The following TIMM29 variants were observed in gnomAD, a reference collection of about 807,000 sequenced individuals.
TIMM29 encodes the protein mitochondrial import inner membrane translocase subunit Tim29.
In TIMM29, 23 loss-of-function variants were observed where a neutral mutation model predicts 19.5. That is an observed-to-expected ratio of 1.18 (90% CI 0.85 to 1.67). TIMM29 has a LOEUF of 1.67. Ranked by LOEUF, TIMM29 falls within the 40% of genes most tolerant of loss-of-function variation. The probability of loss-of-function intolerance (pLI) is 0.00; values close to 1 mark genes in which losing one functional copy is unlikely to be tolerated. For missense variants in TIMM29, 404 were observed against 384.7 expected, an observed-to-expected ratio of 1.05 and a Z score of -0.42; for synonymous variants, 209 against 185.0, an observed-to-expected ratio of 1.13 and a Z score of -1.05.
Position 10,929,444 on chromosome 19 carries a change from G to T in TIMM29, c.525G>T (p.Leu175=). 6.2e-7 allele frequency: 1 copy of T among 1,612,604 alleles called. No homozygotes were observed. The change falls in exon 2 of 2, where the codon CTG becomes CTT. Residue 175 remains leucine, a synonymous_variant. Coordinates refer to ENST00000270502, the MANE Select transcript of TIMM29 (RefSeq NM_138358.4). ...DVGFVGRWWV[L]GAWMRDCDIN... is the part of the protein sequence containing the mutation. ...GCTTCGTGGGTCGCTGGTGGGTGCT[G>T]GGGGCCTGGATGCGCGACTGCGACA...
In TIMM29 at chr19:10,929,395, TC is replaced by T; in HGVS notation, c.480del (p.Gly161AlafsTer87). ...CRYLQPRWTD[F>X]PGRVLDVGFV... ...TACCTGCAGCCCCGCTGGACCGACT[TC>T]CCCGGCCGGGTCCTGGACGTGGGCT... On this transcript the variant is annotated frameshift_variant, in exon 2 of 2. Transcript: ENST00000270502. LOFTEE classifies it high-confidence loss of function. 6.2e-7 allele frequency: 1 copy of T among 1,607,728 alleles called. No homozygotes were observed. Among genetic ancestry groups the T allele is most frequent in the Non-Finnish European group, 8.5e-7 (1 of 1,178,418 alleles).
In TIMM29 at chr19:10,930,052, T is replaced by A. The variant is rs370696875; in HGVS notation, c.*350T>A. ...GACTTGCAAACTCTTCTAAGGCCAC[T>A]TAGATTTTCTTTTTCAAGTTTGGGT... On this transcript the variant is annotated 3_prime_UTR_variant, in exon 2 of 2. Coordinates refer to ENST00000270502, the MANE Select transcript of TIMM29 (RefSeq NM_138358.4). 1.7e-3 allele frequency: 352 copies of A among 201,890 alleles called. 7 individuals are homozygous for A. In the South Asian group the frequency reaches 0.044, roughly 25 times the overall value. 12.5% of individuals were successfully genotyped at this position (201,890 alleles called of 1,614,324 possible).
rs2083480448 is a variant in TIMM29 at position 10,929,763 on chromosome 19, G to A, written c.*61G>A. ...CCTGGGGTGGTGCAGTTCTGAGTGT[G>A]CCTCACCTGCAGAACAGCTGAGACA... On this transcript the variant is annotated 3_prime_UTR_variant, in exon 2 of 2. Transcript: ENST00000270502. 6.9e-7 allele frequency: 1 copy of A among 1,454,748 alleles called. No homozygotes were observed. The highest frequency in any genetic ancestry group is 9.3e-7 in the Non-Finnish European group (1 of 1,080,690). The allele number at this position is 1,454,748 out of a possible 1,614,324, so 90.1% of individuals were successfully genotyped here. A position where few individuals can be genotyped will look rare whatever the true frequency, so the allele number is the denominator to read the frequency against.
Position 10,929,609 on chromosome 19 carries a change from G to A in TIMM29, c.690G>A (p.Ala230=), listed in dbSNP as rs923414662. The A allele has an allele frequency of 1.2e-6, 2 of 1,613,014 alleles. No individual in the cohort carries two copies. The highest frequency in any genetic ancestry group is 1.7e-6 in the Non-Finnish European group (2 of 1,180,000). The change falls in exon 2 of 2, where the codon GCG becomes GCA. Residue 230 remains alanine, a synonymous_variant. Coordinates refer to ENST00000270502, the MANE Select transcript of TIMM29 (RefSeq NM_138358.4). ...VVLTDDQVDQ[A]LWEEQVLQKE... ...TCACCGACGATCAGGTGGACCAGGC[G>A]CTGTGGGAGGAGCAGGTCTTGCAGA...
Position 10,928,862 on chromosome 19 carries a change from C to A in TIMM29, c.40C>A (p.Arg14Ser). 8 of 1,527,152 alleles carry A rather than the reference C, an allele frequency of 5.2e-6. No homozygotes were observed. The highest frequency in any genetic ancestry group is 2.7e-5 in the East Asian group (1 of 37,492). 94.6% of individuals were successfully genotyped at this position (1,527,152 alleles called of 1,614,324 possible). The change falls in exon 1 of 2, where the codon CGC becomes AGC. Residue 14 changes from arginine (R) to serine (S), a missense_variant. Coordinates refer to ENST00000270502, the MANE Select transcript of TIMM29 (RefSeq NM_138358.4). Reference protein sequence around the residue: ...AALRRFWSRRRAEAGDAVVAK... With the variant: ...AALRRFWSRRSAEAGDAVVAK... ...TCTGAGGAGATTTTGGTCCCGGCGC[C>A]GCGCAGAGGCGGGCGACGCGGTAGT...
At position 10,928,845 on chromosome 19, in the gene TIMM29, G is replaced by T; in HGVS notation, c.23G>T (p.Arg8Ile). 6.6e-7 allele frequency: 1 copy of T among 1,526,386 alleles called. No individual in the cohort carries two copies. The highest frequency in any genetic ancestry group is 2.7e-5 in the East Asian group (1 of 37,304). The allele number at this position is 1,526,386 out of a possible 1,614,324, so 94.6% of individuals were successfully genotyped here. ...AGGATGGCCGCGGCGGCTCTGAGGA[G>T]ATTTTGGTCCCGGCGCCGCGCAGAG... The part of the protein sequence containing the change: MAAAALR[R>I]FWSRRRAEAG... The change falls in exon 1 of 2, where the codon AGA (arginine) becomes ATA (isoleucine). Residue 8 changes from arginine (R) to isoleucine (I), a missense_variant. Arg to Ile is a moderately conservative substitution (Grantham distance 97). Coordinates refer to ENST00000270502, the MANE Select transcript of TIMM29 (RefSeq NM_138358.4).
In TIMM29 at chr19:10,929,232, G is replaced by C; in HGVS notation, c.313G>C (p.Glu105Gln). The change falls in exon 2 of 2, where the codon GAG (glutamate) becomes CAG (glutamine). Residue 105 changes from glutamate to glutamine, a missense_variant. Glu to Gln is a conservative substitution (Grantham distance 29, BLOSUM62 2). Coordinates refer to ENST00000270502, the MANE Select transcript of TIMM29 (RefSeq NM_138358.4). ...GCTGGCGCCGGCCACCCGCAACCGC[G>C]AGTCCGAAGCCTTCGTGCAGAGGCT... ...LLLAPATRNR[E>Q]SEAFVQRLLW... The C allele has an allele frequency of 7.3e-6, 11 of 1,500,806 alleles. No individual in the cohort carries two copies. Among genetic ancestry groups the C allele is most frequent in the Non-Finnish European group, 9.7e-6 (11 of 1,130,362 alleles). The allele number at this position is 1,500,806 out of a possible 1,614,324, so 93.0% of individuals were successfully genotyped here. A position where few individuals can be genotyped will look rare whatever the true frequency, so the allele number is the denominator to read the frequency against.
rs2083479086 is a variant in TIMM29, at chr19:10,929,648, C to G, written c.729C>G (p.Asp243Glu). The change falls in exon 2 of 2, where the codon GAC (aspartate) becomes GAG (glutamate). Residue 243 changes from aspartate (D) to glutamate (E), a missense_variant. Coordinates refer to ENST00000270502, the MANE Select transcript of TIMM29 (RefSeq NM_138358.4). The stretch of plus-strand genomic sequence containing the variant: ...AGGTCTTGCAGAAGGAGAAGAAGGA[C>G]AGGCTCGCCCTGAGCCAGGCCCACT... ...EEQVLQKEKK[D>E]RLALSQAHSL... The G allele has an allele frequency of 6.2e-7, 1 of 1,612,874 alleles. No individual in the cohort carries two copies. Among genetic ancestry groups the G allele is most frequent in the Non-Finnish European group, 8.5e-7 (1 of 1,179,922 alleles).
chr19:10,928,931 A>C lies in TIMM29; in HGVS notation c.94+15A>C. 1 of 1,506,568 alleles carries C rather than the reference A, an allele frequency of 6.6e-7. No homozygotes were observed. The highest frequency in any genetic ancestry group is 8.8e-7 in the Non-Finnish European group (1 of 1,137,384). 93.3% of individuals were successfully genotyped at this position (1,506,568 alleles called of 1,614,324 possible). A position where few individuals can be genotyped will look rare whatever the true frequency, so the allele number is the denominator to read the frequency against. On this transcript the variant is annotated intron_variant, in intron 1 of 1. Coordinates refer to ENST00000270502, the MANE Select transcript of TIMM29 (RefSeq NM_138358.4). ...GGCGCGGCTGGGTGAGTAGCGGCGGAAGGCGGCAGGGTGGGTGGCCGCCGC... is the reference window on the plus strand; with the variant it reads ...GGCGCGGCTGGGTGAGTAGCGGCGGCAGGCGGCAGGGTGGGTGGCCGCCGC...
chr19:10,929,877 A>G lies in TIMM29; in HGVS notation c.*175A>G, dbSNP rs1388950323. The stretch of plus-strand genomic sequence containing the variant: ...TCTTTGTTCTTTATTAGCTGAAGCT[A>G]ATTCAGAGCCACCTGGGTCCGGGAG... On this transcript the variant is annotated 3_prime_UTR_variant, in exon 2 of 2. Coordinates refer to ENST00000270502, the MANE Select transcript of TIMM29 (RefSeq NM_138358.4). 1 of 705,058 alleles carries G rather than the reference A, an allele frequency of 1.4e-6. No individual in the cohort carries two copies. The highest frequency in any genetic ancestry group is 1.8e-5 in the African/African-American group (1 of 55,782). The allele number at this position is 705,058 out of a possible 1,614,324, so 43.7% of individuals were successfully genotyped here. A position where few individuals can be genotyped will look rare whatever the true frequency, so the allele number is the denominator to read the frequency against.
At position 10,929,007 on chromosome 19, in the gene TIMM29, C is replaced by T. The variant is rs762745240; in HGVS notation, c.95-7C>T. The T allele has an allele frequency of 1.4e-6, 2 of 1,457,688 alleles. No individual in the cohort carries two copies. Among genetic ancestry groups the T allele is most frequent in the South Asian group, 2.8e-5 (2 of 71,356 alleles). The allele number at this position is 1,457,688 out of a possible 1,614,324, so 90.3% of individuals were successfully genotyped here. On this transcript the variant is annotated splice_region_variant and splice_polypyrimidine_tract_variant and intron_variant, in intron 1 of 1. Transcript: ENST00000270502. Reference sequence around the variant, plus strand: ...GGATCACTCTTACCGCGCTCCTCTCCCCTCAGGGTCCTGGGCCCGCGCGCT... The same window carrying T: ...GGATCACTCTTACCGCGCTCCTCTCTCCTCAGGGTCCTGGGCCCGCGCGCT...
chr19:10,929,495 G>A lies in TIMM29; in HGVS notation c.576G>A (p.Leu192=). The A allele has an allele frequency of 2.5e-6, 4 of 1,613,106 alleles. No homozygotes were observed. The highest frequency in any genetic ancestry group is 3.4e-6 in the Non-Finnish European group (4 of 1,180,022). ...TCAACGACGACGAATTCCTGCACCT[G>A]CCGGCGCATTTGCGGGTGGTCGGGC... The part of the protein sequence containing the change: ...CDINDDEFLH[L]PAHLRVVGPQ... The change falls in exon 2 of 2, where the codon CTG becomes CTA. Residue 192 remains leucine (L), a synonymous_variant. Transcript: ENST00000270502.
rs1398433925 is a variant in TIMM29, at chr19:10,929,717, C to T, written c.*15C>T. 2 of 1,569,268 alleles carry T rather than the reference C, an allele frequency of 1.3e-6. No individual in the cohort carries two copies. Among genetic ancestry groups the T allele is most frequent in the East Asian group, 4.7e-5 (2 of 42,442 alleles). Reference sequence around the variant, plus strand: ...CCCCGAGATGAAACCCTGAGGCCCCCGAGTCCTGGCAAACTGCTTGCCTGG... The same window carrying T: ...CCCCGAGATGAAACCCTGAGGCCCCTGAGTCCTGGCAAACTGCTTGCCTGG... On this transcript the variant is annotated 3_prime_UTR_variant, in exon 2 of 2. Coordinates refer to ENST00000270502, the MANE Select transcript of TIMM29 (RefSeq NM_138358.4).
Position 10,929,294 on chromosome 19 carries a change from C to A in TIMM29, c.375C>A (p.Val125=). The A allele has an allele frequency of 6.5e-7, 1 of 1,543,990 alleles. No individual in the cohort carries two copies. The highest frequency in any genetic ancestry group is 8.7e-7 in the Non-Finnish European group (1 of 1,149,034). Reference sequence around the variant, plus strand: ...GGGGCCGTGGCCGCCTGCGCTACGTCAACCTGGGGCTCTGCTCGCTGGTGT... The same window carrying A: ...GGGGCCGTGGCCGCCTGCGCTACGTAAACCTGGGGCTCTGCTCGCTGGTGT... The part of the protein sequence containing the change: ...WLRGRGRLRY[V]NLGLCSLVYE... Residue 125 remains valine (V), a synonymous_variant, in exon 2 of 2, where the codon GTC becomes GTA. Transcript: ENST00000270502.
chr19:10,929,342 G>A lies in TIMM29; in HGVS notation c.423G>A (p.Gln141=), dbSNP rs757088126. The change falls in exon 2 of 2, where the codon CAG becomes CAA. Residue 141 remains glutamine, a synonymous_variant. Transcript: ENST00000270502. The part of the protein sequence containing the change: ...SLVYEAPFDA[Q]ASLYQARCRY... ...TGTACGAGGCGCCCTTCGACGCCCA[G>A]GCCAGCCTCTACCAGGCGCGTTGCC... 3.2e-6 allele frequency: 5 copies of A among 1,575,706 alleles called. No individual in the cohort carries two copies. Among genetic ancestry groups the A allele is most frequent in the Non-Finnish European group, 4.3e-6 (5 of 1,165,760 alleles).
chr19:10,929,451 T>C lies in TIMM29; in HGVS notation c.532T>C (p.Trp178Arg), dbSNP rs34083039. ...GGGTCGCTGGTGGGTGCTGGGGGCC[T>C]GGATGCGCGACTGCGACATCAACGA... Reference protein sequence around the residue: ...FVGRWWVLGAWMRDCDINDDE... With the variant: ...FVGRWWVLGARMRDCDINDDE... Residue 178 changes from tryptophan to arginine, a missense_variant, in exon 2 of 2, where the codon TGG becomes CGG. Trp to Arg is a moderately radical substitution (Grantham distance 101). Coordinates refer to ENST00000270502, the MANE Select transcript of TIMM29 (RefSeq NM_138358.4). 945 of 1,612,778 alleles carry C rather than the reference T, an allele frequency of 5.9e-4. 9 individuals are homozygous for C. In the Middle Eastern group the frequency reaches 5.9e-3, roughly 10 times the overall value.
Position 10,929,547 on chromosome 19 carries a change from G to A in TIMM29, c.628G>A (p.Glu210Lys). ...GPQQLHSETNERLFDEKYKPV... is the reference protein window; with the variant it reads ...GPQQLHSETNKRLFDEKYKPV... ...CCAGCAGCTGCATTCCGAGACCAAC[G>A]AGCGGCTCTTCGATGAGAAGTACAA... Residue 210 changes from glutamate (E) to lysine (K), a missense_variant, in exon 2 of 2, where the codon GAG becomes AAG. Physicochemically the swap from Glu to Lys is moderately conservative, Grantham distance 56 (BLOSUM62 1). Transcript: ENST00000270502. 6.2e-7 allele frequency: 1 copy of A among 1,613,050 alleles called. No individual in the cohort carries two copies. The highest frequency in any genetic ancestry group is 8.5e-7 in the Non-Finnish European group (1 of 1,180,024).
chr19:10,928,972 C>T (rs747231999), intron 1 of TIMM29, 42 bp from the exon 2 acceptor site: 3 of 1,465,318 alleles, frequency 2.0e-6, no homozygotes, highest in Admixed American at 5.6e-5. Context: ...GGTGGGTGGC[C>T]GCCGCGGCCG....
Position 10,929,420 on chromosome 19 carries a change from C to T in TIMM29, c.501C>T (p.Gly167=), listed in dbSNP as rs764265303. 9.9e-6 allele frequency: 16 copies of T among 1,611,408 alleles called. No homozygotes were observed. The highest frequency in any genetic ancestry group is 8.0e-5 in the African/African-American group (6 of 74,930). Residue 167 remains glycine (G), a synonymous_variant, in exon 2 of 2, where the codon GGC becomes GGT. Transcript: ENST00000270502. ...TDFPGRVLDV[G]FVGRWWVLGA... ...TCCCCGGCCGGGTCCTGGACGTGGG[C>T]TTCGTGGGTCGCTGGTGGGTGCTGG...
Sources: gnomAD v4.1 joint callset for allele counts on GRCh38, gnomAD v4.1.1 for gene constraint, MANE v1.5 for transcripts, NCBI Gene and HGNC (gene_info 2026-07-23, HGNC 2026-07-21) for gene names.